Variants in ATP6V1E2 observed in about 807,000 individuals in gnomAD.
ATP6V1E2 encodes V-type proton ATPase subunit E 2.
For synonymous variants in ATP6V1E2, 121 were observed against 104.2 expected (o/e 1.16, Z -0.98); for missense variants, 308 against 273.3 (o/e 1.13, Z -0.90).
intron 4 of ATP6V1E2, among the ~76,000 whole-genome samples, chr2:46,526,196 AC>A (rs1251304471): frequency 6.6e-6 from 1 of 150,888 alleles, no homozygotes; most frequent in East Asian, 1.9e-4. Context: ...GCTCACTACA[AC>A]CCCCGCCTCC....
rs1213413579 is a variant in ATP6V1E2 at position 46,512,236 on chromosome 2, G to GA, written c.475dup (p.Ser159PhefsTer10). The stretch of plus-strand genomic sequence containing the variant: ...AATCTGGACCTCCACATGTTTCTGG[G>GA]AAATTGTCATGTACTCGGGGATGGC... On this transcript the variant is annotated frameshift_variant, in exon 5 of 5. Coordinates refer to ENST00000522587, the MANE Select transcript of ATP6V1E2 (RefSeq NM_001318063.2). LOFTEE classifies it low-confidence loss of function (END_TRUNC). 2.5e-6 allele frequency: 4 copies of GA among 1,613,836 alleles called. No individual in the cohort carries two copies. Among genetic ancestry groups the GA allele is most frequent in the Non-Finnish European group, 3.4e-6 (4 of 1,179,996 alleles).
At chr2:46,528,636 G>C (rs1667041425) in intron 4 of ATP6V1E2, among the ~76,000 whole-genome samples, 1 of 152,202 alleles carries the variant, frequency 6.6e-6, no homozygotes, top group African/African-American at 2.4e-5. Context: ...GCAGCCGCTT[G>C]GTGTCACAAG....
chr2:46,523,853 C>A (rs1010831261), intron 4 of ATP6V1E2, among the ~76,000 whole-genome samples: 2 of 152,046 alleles, frequency 1.3e-5, no homozygotes, highest in African/African-American at 4.8e-5. Flanking sequence ...ATTGATTCTT[C>A]CTATCCATGA....
At chr2:46,541,956 C>T (rs62134737) in intron 1 of ATP6V1E2, 1,952 of 152,408 alleles carry the variant, frequency 0.013, 19 homozygotes, top group Non-Finnish European at 0.02. Flanking sequence ...CCAGGGGGAG[C>T]CCAGGTACAT....
chr2:46,520,071 A>T (rs2103855523), intron 4 of ATP6V1E2: 1 of 152,390 alleles, frequency 6.6e-6, no homozygotes, highest in East Asian at 1.9e-4. Context: ...GGTGGAAGTC[A>T]TCTCACAGCC....
chr2:46,519,745 T>C (rs1333859909), intron 4 of ATP6V1E2: 2 of 152,374 alleles, frequency 1.3e-5, no homozygotes, highest in Admixed American at 6.5e-5. Context: ...TTAATCTTCA[T>C]GTCTGGTAGT....
intron 4 of ATP6V1E2, among the ~76,000 whole-genome samples, chr2:46,517,473 A>AT (rs2103841244): frequency 6.6e-6 from 1 of 152,330 alleles, no homozygotes; most frequent in South Asian, 2.1e-4. Context: ...AAAAGCAAAA[A>AT]TAGACAAATG....
chr2:46,518,811 T>TGTGTGTGTGTGTGTGTGTG (rs1666452198), intron 4 of ATP6V1E2: 1 of 147,962 alleles, frequency 6.8e-6, no homozygotes, highest in African/African-American at 2.5e-5. Context: ...TGTGTGTGTG[T>TGTGTGTGTGTGTGTGTGTG]TTTAAGGCTC....
chr2:46,529,602 A>T (rs939209662), intron 4 of ATP6V1E2, among the ~76,000 whole-genome samples: 1 of 152,170 alleles, frequency 6.6e-6, no homozygotes, highest in African/African-American at 2.4e-5. Flanking sequence ...AAAAAATTTT[A>T]AAAATGAGCT....
At chr2:46,534,648 T>C (rs1430556316) in intron 4 of ATP6V1E2, 4 of 152,252 alleles carry the variant, frequency 2.6e-5, no homozygotes, top group Non-Finnish European at 4.4e-5. Context: ...AAAATTTGTT[T>C]TGGCTGGCAG....
At position 46,512,477 on chromosome 2, in the gene ATP6V1E2, C is replaced by T; in HGVS notation, c.235G>A (p.Ala79Thr). The change falls in exon 5 of 5, where the codon GCG becomes ACG. Residue 79 changes from alanine to threonine, a missense_variant. Transcript: ENST00000522587. ...KILMSTMRNQARLKVLRARND... is the reference protein window; with the variant it reads ...KILMSTMRNQTRLKVLRARND... ...CGGGCTCTCAGGACTTTCAGCCTCG[C>T]CTGATTCCTCATGGTGGACATCAGG... The T allele has an allele frequency of 6.2e-7, 1 of 1,614,182 alleles. No homozygotes were observed. The highest frequency in any genetic ancestry group is 1.1e-5 in the South Asian group (1 of 91,074).
intron 4 of ATP6V1E2, among the ~76,000 whole-genome samples, chr2:46,521,461 G>T (rs78283707): frequency 0.018 from 2,748 of 152,272 alleles, 71 homozygotes; most frequent in African/African-American, 0.061. Context: ...CTGGGTGTGT[G>T]CTTCCTACCC....
chr2:46,527,950 C>T (rs892779734), intron 4 of ATP6V1E2: 4 of 152,204 alleles, frequency 2.6e-5, no homozygotes, highest in African/African-American at 4.8e-5. Context: ...CCTCCAGCCA[C>T]AAGCCAGTGC....
chr2:46,537,965 G>A (rs913682683), intron 2 of ATP6V1E2, among the ~76,000 whole-genome samples: 9 of 151,848 alleles, frequency 5.9e-5, no homozygotes, highest in African/African-American at 2.2e-4. Context: ...TAACAACAGA[G>A]GACATTAAAA....
At chr2:46,532,763 C>A (rs1572716326) in intron 4 of ATP6V1E2, among the ~76,000 whole-genome samples, 1 of 152,126 alleles carries the variant, frequency 6.6e-6, no homozygotes, top group Non-Finnish European at 1.5e-5. Context: ...CACCAGATGC[C>A]AAATCTGCTG....
chr2:46,513,398 T>C lies in ATP6V1E2; in HGVS notation c.-101-586A>G, dbSNP rs150709763. Reference sequence around the variant, plus strand: ...GAGGAGAATGTGCATTCTGCTGCTGTTGGGTGGAATGTTCTGCATATATGT... The same window carrying C: ...GAGGAGAATGTGCATTCTGCTGCTGCTGGGTGGAATGTTCTGCATATATGT... On this transcript the variant is annotated intron_variant, in intron 4 of 4. Transcript: ENST00000522587. Among the ~76,000 whole-genome samples, 74 of 152,350 alleles carry C rather than the reference T, an allele frequency of 4.9e-4. 1 individual carries two copies. Among genetic ancestry groups the C allele is most frequent in the African/African-American group, 1.7e-3 (70 of 41,572 alleles).
intron 4 of ATP6V1E2, among the ~76,000 whole-genome samples, chr2:46,533,203 GTAGATAGATAGATAGA>G (rs72186652): frequency 0.21 from 31,070 of 148,082 alleles, 3,686 homozygotes; most frequent in Admixed American, 0.28. Context: ...GCATGTATGT[GTAGATAGATAGATAGA>G]TAGATAGATA....
chr2:46,514,087 CT>C (rs555057390), intron 4 of ATP6V1E2, among the ~76,000 whole-genome samples: 23 of 152,008 alleles, frequency 1.5e-4, no homozygotes, highest in Non-Finnish European at 2.9e-4. Flanking sequence ...CAAGACCAGC[CT>C]GGCCAACATG....
At chr2:46,534,259 G>A (rs1050303385) in intron 4 of ATP6V1E2, 8 of 151,980 alleles carry the variant, frequency 5.3e-5, no homozygotes. Context: ...GCTTTAATTG[G>A]GACAGTTTCT....
Sources: allele counts gnomAD v4.1 joint callset (sites outside exome capture counted in the v4.1 genomes callset), GRCh38; gene constraint gnomAD v4.1.1; transcripts MANE v1.5; gene names NCBI Gene and HGNC (gene_info 2026-07-23, HGNC 2026-07-21).